The following MTREX variants were observed in gnomAD, a reference collection of about 807,000 sequenced individuals.
The protein encoded by MTREX is exosome RNA helicase MTR4.
In MTREX, 76 loss-of-function variants were observed where a neutral mutation model predicts 135.4. The observed-to-expected ratio is 0.56, with a 90% CI of 0.47 to 0.68. The LOEUF (loss-of-function observed/expected upper bound fraction) is 0.68. MTREX is among the 30% of genes least tolerant of loss of function. The probability of loss-of-function intolerance (pLI) is 0.00; values close to 1 mark genes in which losing one functional copy is unlikely to be tolerated. For synonymous variants in MTREX, 404 were observed against 401.6 expected (o/e 1.01, Z -0.07); for missense variants, 920 against 1,262.1 (o/e 0.73, Z 4.11).
Position 55,345,081 on chromosome 5 carries a change from T to G in MTREX, c.1006-13T>G. The G allele has an allele frequency of 6.4e-7, 1 of 1,561,114 alleles. No individual in the cohort carries two copies. Among genetic ancestry groups the G allele is most frequent in the Middle Eastern group, 1.7e-4 (1 of 5,954 alleles). On this transcript the variant is annotated splice_polypyrimidine_tract_variant and intron_variant, in intron 9 of 26. Coordinates refer to ENST00000230640, the MANE Select transcript of MTREX (RefSeq NM_015360.5). ...TATTAGTGAAGTTACACAGAAAAAATTTGTGATTCCAGGGTGACTTCAGAG... is the reference window on the plus strand; with the variant it reads ...TATTAGTGAAGTTACACAGAAAAAAGTTGTGATTCCAGGGTGACTTCAGAG...
chr5:55,402,554 G>T (rs1314867079), intron 21 of MTREX, among the ~76,000 whole-genome samples: 1 of 152,142 alleles, frequency 6.6e-6, no homozygotes, highest in Non-Finnish European at 1.5e-5. Flanking sequence ...AAATAAAGTT[G>T]TTATGGAGAC....
At chr5:55,330,388 A>C (rs1336465389) in intron 5 of MTREX, among the ~76,000 whole-genome samples, 1 of 151,998 alleles carries the variant, frequency 6.6e-6, no homozygotes, top group African/African-American at 2.4e-5. Context: ...CTCAGATATT[A>C]TCTTTTCTTT....
intron 15 of MTREX, among the ~76,000 whole-genome samples, chr5:55,360,206 C>T (rs1226797662): frequency 6.6e-6 from 1 of 151,984 alleles, no homozygotes; most frequent in African/African-American, 2.4e-5. Flanking sequence ...TAATGTGTAC[C>T]CTTTTGTATC....
chr5:55,388,870 T>C (rs1750521877), intron 19 of MTREX, among the ~76,000 whole-genome samples: 1 of 152,202 alleles, frequency 6.6e-6, no homozygotes, highest in Admixed American at 6.5e-5. Flanking sequence ...GCGTATTGGA[T>C]AGGTCTTTTA....
At chr5:55,413,383 T>TCATA (rs1158003155) in intron 23 of MTREX, among the ~76,000 whole-genome samples, 5 of 148,868 alleles carry the variant, frequency 3.4e-5, no homozygotes, top group African/African-American at 1.2e-4. Flanking sequence ...AAACCCTGTC[T>TCATA]CATACATACA....
At position 55,344,573 on chromosome 5, in the gene MTREX, A is replaced by G; in HGVS notation, c.958A>G (p.Ile320Val). The G allele has an allele frequency of 6.2e-7, 1 of 1,612,362 alleles. No homozygotes were observed. The highest frequency in any genetic ancestry group is 8.5e-7 in the Non-Finnish European group (1 of 1,178,910). ...TCGGCCCACTCCATTGCAACACTAC[A>G]TTTTTCCAGCAGGGGGAGATGGCCT... is the stretch of plus-strand genomic sequence containing the variant. ...DYRPTPLQHYIFPAGGDGLHL... is the reference protein window; with the variant it reads ...DYRPTPLQHYVFPAGGDGLHL... The change falls in exon 9 of 27, where the codon ATT becomes GTT. Residue 320 changes from isoleucine (I) to valine (V), a missense_variant. This residue lies in a region of MTREX where 88 missense variants were observed against 202.5 expected (regional missense o/e 0.43). Coordinates refer to ENST00000230640, the MANE Select transcript of MTREX (RefSeq NM_015360.5).
rs560383160 is a variant in MTREX at position 55,354,594 on chromosome 5, C to A, written c.1533+1325C>A. On this transcript the variant is annotated intron_variant, in intron 14 of 26. Transcript: ENST00000230640. ...GTGTTTTATTTTAAAATGTTGGATG[C>A]TCTACAAAAGAGGAATACGAGTATG... Among the ~76,000 whole-genome samples, 35 of 152,308 alleles carry A rather than the reference C, an allele frequency of 2.3e-4. No individual in the cohort carries two copies. The South Asian group carries it at 7.2e-3, about 32-fold the overall frequency.
intron 16 of MTREX, among the ~76,000 whole-genome samples, chr5:55,375,907 A>G (rs1034279329): frequency 2.6e-5 from 4 of 152,188 alleles, no homozygotes; most frequent in African/African-American, 9.7e-5. Flanking sequence ...TCTTCCCGCA[A>G]CATCTCTCCC....
intron 13 of MTREX, 50 bp from the exon 14 acceptor site, chr5:55,353,118 A>G (rs991215130): frequency 3.1e-6 from 4 of 1,291,346 alleles, no homozygotes; most frequent in Non-Finnish European, 4.2e-6. Flanking sequence ...ATAAAACCAG[A>G]TTTTCAGCTT....
At chr5:55,323,068 G>T (rs1460058006) in intron 2 of MTREX, among the ~76,000 whole-genome samples, 1 of 151,646 alleles carries the variant, frequency 6.6e-6, no homozygotes, top group African/African-American at 2.4e-5. Flanking sequence ...CTACCATGAA[G>T]AGTTTACAAT....
rs777990584 is a variant in MTREX, at chr5:55,345,127, A to G, written c.1039A>G (p.Met347Val). The G allele has an allele frequency of 4.3e-6, 7 of 1,613,586 alleles. No individual in the cohort carries two copies. Among genetic ancestry groups the G allele is most frequent in the African/African-American group, 2.7e-5 (2 of 75,028 alleles). ...CAGAGAAGATAATTTTAATACTGCA[A>G]TGCAAGTGCTTCGAGATGCAGGTGA... ...DFREDNFNTA[M>V]QVLRDAGDLA... is the part of the protein sequence containing the mutation. Residue 347 changes from methionine (M) to valine (V), a missense_variant, in exon 10 of 27, where the codon ATG becomes GTG. This residue lies in a region of MTREX where 88 missense variants were observed against 202.5 expected (regional missense o/e 0.43). Coordinates refer to ENST00000230640, the MANE Select transcript of MTREX (RefSeq NM_015360.5).
chr5:55,385,462 C>A (rs1030514026), intron 18 of MTREX, among the ~76,000 whole-genome samples: 6 of 152,130 alleles, frequency 3.9e-5, no homozygotes, highest in African/African-American at 1.4e-4. Flanking sequence ...TGACATCCTG[C>A]CCCTCCTAAA....
chr5:55,413,866 C>G (rs899384130), intron 23 of MTREX, among the ~76,000 whole-genome samples: 1 of 152,168 alleles, frequency 6.6e-6, no homozygotes, highest in Non-Finnish European at 1.5e-5. Flanking sequence ...AACTAAACTA[C>G]TATGTATGTT....
At chr5:55,361,503 T>A (rs1750007973) in intron 15 of MTREX, among the ~76,000 whole-genome samples, 3 of 152,306 alleles carry the variant, frequency 2.0e-5, no homozygotes, top group Admixed American at 2.0e-4. Context: ...ATTTTAATAA[T>A]TTTTTTCCTT....
In MTREX at chr5:55,308,010, A is replaced by G. The variant is rs758090470; in HGVS notation, c.-4A>G. 2.5e-6 allele frequency: 4 copies of G among 1,613,950 alleles called. No homozygotes were observed. In the South Asian group the frequency reaches 4.4e-5, roughly 18 times the overall value. On this transcript the variant is annotated 5_prime_UTR_variant, in exon 1 of 27. Coordinates refer to ENST00000230640, the MANE Select transcript of MTREX (RefSeq NM_015360.5). ...AGGGAGATTTGCTCTCACTGCTCCC[A>G]AAAATGGCGGACGCATTCGGAGATG...
At chr5:55,402,844 G>A (rs1165000159) in intron 21 of MTREX, among the ~76,000 whole-genome samples, 1 of 54,114 alleles carries the variant, frequency 1.8e-5, no homozygotes, top group East Asian at 3.6e-4. Context: ...GTGTGTGTAT[G>A]TGTATGTATG....
At chr5:55,328,461 A>G (rs186485771) in intron 4 of MTREX, among the ~76,000 whole-genome samples, 234 of 152,336 alleles carry the variant, frequency 1.5e-3, no homozygotes, top group African/African-American at 5.5e-3. Flanking sequence ...AATATAATAG[A>G]CACCAACATA....
At chr5:55,376,862 G>A (rs1750310614) in intron 16 of MTREX, among the ~76,000 whole-genome samples, 1 of 152,080 alleles carries the variant, frequency 6.6e-6, no homozygotes, top group Non-Finnish European at 1.5e-5. Context: ...TTGAGGTCAG[G>A]AGTTCAAAAC....
At chr5:55,367,979 A>G (rs551199944) in intron 16 of MTREX, among the ~76,000 whole-genome samples, 6 of 152,294 alleles carry the variant, frequency 3.9e-5, no homozygotes, top group African/African-American at 9.6e-5. Flanking sequence ...GAGTTTTTCT[A>G]TTTTGTTTCA....
Sources: allele counts gnomAD v4.1 joint callset (sites outside exome capture counted in the v4.1 genomes callset), GRCh38; gene constraint gnomAD v4.1.1; regional missense constraint gnomAD v4.1.1; transcripts MANE v1.5; gene names NCBI Gene and HGNC (gene_info 2026-07-23, HGNC 2026-07-21).